Variants in MARCHF1 observed in about 807,000 individuals in gnomAD.
MARCHF1 encodes membrane associated ring-CH-type finger 1, also known as E3 ubiquitin-protein ligase MARCHF1.
A neutral mutation model predicts 54.2 loss-of-function variants in MARCHF1; 40 were observed. That is an observed-to-expected ratio of 0.74 (90% confidence interval 0.57 to 0.96). MARCHF1 has a LOEUF of 0.96. MARCHF1 is among the 40% of genes least tolerant of loss of function. The pLI, the probability that MARCHF1 is intolerant of heterozygous loss-of-function variation, is 0.00. For missense variants in MARCHF1, 586 were observed against 656.5 expected, an observed-to-expected ratio of 0.89 and a Z score of 1.17; for synonymous variants, 236 against 236.3, an observed-to-expected ratio of 1.00 and a Z score of 0.01.
rs1750763364 is a variant in MARCHF1 at position 163,894,894 on chromosome 4, ATGCATGTGATG to A, written c.-38-40736_-38-40726del. Reference sequence around the variant, plus strand: ...ATATATGCATGTGATGCATATATATATGCATGTGATGCATATATATATATATGCATGTGATG... The same window carrying A: ...ATATATGCATGTGATGCATATATATACATATATATATATATGCATGTGATG... On this transcript the variant is annotated intron_variant, in intron 3 of 9. Coordinates refer to ENST00000514618, the MANE Select transcript of MARCHF1 (RefSeq NM_001394959.1). 9.4e-5 allele frequency among the ~76,000 whole-genome samples: 2 copies of A among 21,332 alleles called. 1 individual carries two copies. The highest frequency in any genetic ancestry group is 1.7e-4 in the African/African-American group (2 of 11,628). 14.0% of individuals were successfully genotyped at this position (21,332 alleles called of 152,430 possible). A position where few individuals can be genotyped will look rare whatever the true frequency, so the allele number is the denominator to read the frequency against.
intron 3 of MARCHF1, among the ~76,000 whole-genome samples, chr4:163,951,436 A>T (rs1752132585): frequency 6.6e-6 from 1 of 152,220 alleles, no homozygotes; most frequent in South Asian, 2.1e-4. Flanking sequence ...TTCCTGGTAG[A>T]GGATACACAG....
At chr4:163,929,654 A>G (rs1751612857) in intron 3 of MARCHF1, among the ~76,000 whole-genome samples, 1 of 151,542 alleles carries the variant, frequency 6.6e-6, no homozygotes, top group East Asian at 1.9e-4. Context: ...AAGCAAATGT[A>G]GGTAAATTGT....
At chr4:164,222,260 G>A (rs977906746) in intron 1 of MARCHF1, among the ~76,000 whole-genome samples, 3 of 149,882 alleles carry the variant, frequency 2.0e-5, no homozygotes, top group Non-Finnish European at 4.4e-5. Context: ...ATATTTTTAG[G>A]ATCAACATGT....
chr4:164,350,542 T>C (rs2110880031), intron 1 of MARCHF1, among the ~76,000 whole-genome samples: 1 of 152,302 alleles, frequency 6.6e-6, no homozygotes, highest in Admixed American at 6.5e-5. Flanking sequence ...ATGTTTGAGG[T>C]GATGGATAAG....
intron 1 of MARCHF1, chr4:164,190,242 G>A: frequency 7.8e-7 from 1 of 1,274,458 alleles, no homozygotes; most frequent in Non-Finnish European, 1.1e-6. Flanking sequence ...GAAGGAACTG[G>A]AAGAAATTGT....
intron 1 of MARCHF1, among the ~76,000 whole-genome samples, chr4:164,370,270 A>G (rs1054029311): frequency 6.6e-6 from 1 of 152,238 alleles, no homozygotes. Context: ...GAAAGTAGTT[A>G]TCTCTACCAC....
At chr4:163,670,166 A>G (rs575497893) in intron 5 of MARCHF1, among the ~76,000 whole-genome samples, 1 of 152,270 alleles carries the variant, frequency 6.6e-6, no homozygotes, top group East Asian at 1.9e-4. Context: ...TTAAAATTAA[A>G]AATATGATAT....
intron 5 of MARCHF1, among the ~76,000 whole-genome samples, chr4:163,638,482 T>G (rs140101844): frequency 6.6e-6 from 1 of 152,118 alleles, no homozygotes; most frequent in Non-Finnish European, 1.5e-5. Flanking sequence ...AATGCTATGA[T>G]TGAAAGTTTC....
intron 5 of MARCHF1, among the ~76,000 whole-genome samples, chr4:163,689,502 C>A (rs1021320175): frequency 2.0e-5 from 3 of 152,142 alleles, no homozygotes; most frequent in Non-Finnish European, 4.4e-5. Flanking sequence ...GAAATGTGGC[C>A]AGCAAAATTG....
chr4:164,244,215 C>G (rs1306529570), intron 1 of MARCHF1, among the ~76,000 whole-genome samples: 1 of 151,746 alleles, frequency 6.6e-6, no homozygotes, highest in Non-Finnish European at 1.5e-5. Flanking sequence ...AAGTAAAGCT[C>G]TCCTCAGCAA....
intron 3 of MARCHF1, among the ~76,000 whole-genome samples, chr4:163,855,878 A>G (rs899098066): frequency 6.6e-6 from 1 of 152,194 alleles, no homozygotes; most frequent in African/African-American, 2.4e-5. Context: ...CTCAGTCAAC[A>G]TTAATCCACA....
chr4:164,136,324 C>A (rs1407811678), intron 1 of MARCHF1, among the ~76,000 whole-genome samples: 2 of 142,278 alleles, frequency 1.4e-5, no homozygotes, highest in Non-Finnish European at 3.1e-5. Flanking sequence ...GTAAGAAAAA[C>A]AGTTTCACTT....
At chr4:163,637,402 A>G (rs1742376863) in intron 5 of MARCHF1, among the ~76,000 whole-genome samples, 1 of 152,034 alleles carries the variant, frequency 6.6e-6, no homozygotes, top group Non-Finnish European at 1.5e-5. Context: ...ATTTACAAGA[A>G]AAAAACAACC....
At chr4:164,099,923 A>T (rs2111153552) in intron 2 of MARCHF1, among the ~76,000 whole-genome samples, 1 of 152,308 alleles carries the variant, frequency 6.6e-6, no homozygotes, top group East Asian at 1.9e-4. Context: ...AAATAAGTGT[A>T]TCTCTTGTAA....
At position 164,184,561 on chromosome 4, in the gene MARCHF1, G is replaced by C. The variant is rs546149873; in HGVS notation, c.-322-72899C>G. Among the ~76,000 whole-genome samples the C allele has an allele frequency of 2.6e-5, 4 of 152,292 alleles. No individual in the cohort carries two copies. The South Asian group carries it at 8.3e-4, about 32-fold the overall frequency. On this transcript the variant is annotated intron_variant, in intron 1 of 9. Transcript: ENST00000514618. ...GGTTATACCAGTTAAATAGTAGCAA[G>C]AAGTCTGCCTAACCTATTGATAGAA...
intron 1 of MARCHF1, among the ~76,000 whole-genome samples, chr4:164,292,644 C>G (rs965132148): frequency 6.6e-6 from 1 of 152,072 alleles, no homozygotes; most frequent in African/African-American, 2.4e-5. Context: ...TCTCAACTAC[C>G]ACCTGGACAA....
intron 3 of MARCHF1, among the ~76,000 whole-genome samples, chr4:163,944,132 A>ATTTTTTT (rs1560830106): frequency 1.2e-4 from 7 of 58,778 alleles, no homozygotes; most frequent in Admixed American, 5.2e-4. Context: ...GCACCGGGCT[A>ATTTTTTT]ATTTTTTTTT....
chr4:164,325,355 A>ATATG (rs1735247798), intron 1 of MARCHF1, among the ~76,000 whole-genome samples: 1 of 149,288 alleles, frequency 6.7e-6, no homozygotes, highest in Non-Finnish European at 1.5e-5. Context: ...ATATATATAT[A>ATATG]TTTGCACAGA....
chr4:163,840,780 C>A (rs562065711), intron 4 of MARCHF1, among the ~76,000 whole-genome samples: 1 of 152,018 alleles, frequency 6.6e-6, no homozygotes, highest in South Asian at 2.1e-4. Flanking sequence ...TCACCCCTGA[C>A]CCCCAACACA....
Sources: allele counts gnomAD v4.1 joint callset (sites outside exome capture counted in the v4.1 genomes callset), GRCh38; gene constraint gnomAD v4.1.1; transcripts MANE v1.5; gene names NCBI Gene and HGNC (gene_info 2026-07-23, HGNC 2026-07-21).